The following CD1B variants were observed in gnomAD, a reference collection of about 807,000 sequenced individuals.
CD1B encodes the protein CD1b molecule.
In CD1B, 43 loss-of-function variants were observed where a neutral mutation model predicts 39.8. That is an observed-to-expected ratio of 1.08 (90% confidence interval 0.85 to 1.39). The LOEUF is 1.39. Among genes scored for constraint, CD1B ranks in the 40% most tolerant of loss-of-function variants. The pLI is 0.00. For synonymous variants in CD1B, 192 were observed against 152.5 expected (o/e 1.26, Z -1.91); for missense variants, 495 against 403.8 (o/e 1.23, Z -1.94).
At chr1:158,293,197 T>C in the CD1B span, 1 of 1,595,552 alleles carries the variant, frequency 6.3e-7, no homozygotes, top group Admixed American at 1.7e-5. Context: ...CCATGTATCT[T>C]TCCAATATGT....
At chr1:158,302,018 T>G in the CD1B span, among the ~76,000 whole-genome samples, 40 of 152,248 alleles carry the variant, frequency 2.6e-4, no homozygotes, top group East Asian at 7.5e-3. Flanking sequence ...AGACCGGAGC[T>G]CTTCCTATTC....
the CD1B span, among the ~76,000 whole-genome samples, chr1:158,321,420 T>C: frequency 6.6e-6 from 1 of 152,236 alleles, no homozygotes; most frequent in South Asian, 2.1e-4. Flanking sequence ...GTGAGGCTCT[T>C]ATAGGCAGCA....
the CD1B span, among the ~76,000 whole-genome samples, chr1:158,309,765 G>A: frequency 2.1e-4 from 31 of 151,094 alleles, no homozygotes; most frequent in Admixed American, 8.6e-4. Context: ...CTCACTCACC[G>A]GTGGGAATTG....
Position 158,328,846 on chromosome 1 carries a change from A to G in CD1B, c.980+75T>C. ...GAGGATAAACAATTTTTAAATAGAT[A>G]AAATGGTAAAAAACAGTGGAAGGGT... On this transcript the variant is annotated intron_variant, in intron 5 of 5. Coordinates refer to ENST00000368168, the MANE Select transcript of CD1B (RefSeq NM_001764.3). The G allele has an allele frequency of 4.8e-6, 5 of 1,046,452 alleles. No homozygotes were observed. In the South Asian group the frequency reaches 4.8e-5, roughly 10 times the overall value. 64.8% of individuals were successfully genotyped at this position (1,046,452 alleles called of 1,614,324 possible).
Position 158,330,011 on chromosome 1 carries a change from C to T in CD1B, c.448G>A (p.Val150Met). ...CTGCTGCCACCTTCTGGGGAAGGCACACATGAAGCATTCTTGACACTCAGG... is the reference window on the plus strand; with the variant it reads ...CTGCTGCCACCTTCTGGGGAAGGCATACATGAAGCATTCTTGACACTCAGG... ...DFLSVKNASC[V>M]PSPEGGSRAQ... The change falls in exon 3 of 6, where the codon GTG (valine) becomes ATG (methionine). Residue 150 changes from valine to methionine, a missense_variant. By Grantham distance (21) the Val-to-Met change is conservative (BLOSUM62 1). Transcript: ENST00000368168. 1 of 1,614,066 alleles carries T rather than the reference C, an allele frequency of 6.2e-7. No homozygotes were observed. Among genetic ancestry groups the T allele is most frequent in the Non-Finnish European group, 8.5e-7 (1 of 1,180,004 alleles).
Position 158,328,226 on chromosome 1 carries a change from T to C in CD1B, c.*10A>G. ...CTTATTGCGAATGGGAGAGGAGACA[T>C]GATGATGGCTCATGGGATATTCTGA... On this transcript the variant is annotated 3_prime_UTR_variant, in exon 6 of 6. Transcript: ENST00000368168. 1 of 1,609,896 alleles carries C rather than the reference T, an allele frequency of 6.2e-7. No homozygotes were observed. Among genetic ancestry groups the C allele is most frequent in the East Asian group, 2.2e-5 (1 of 44,810 alleles).
the CD1B span, among the ~76,000 whole-genome samples, chr1:158,297,973 C>T: frequency 6.7e-6 from 1 of 150,030 alleles, no homozygotes; most frequent in Non-Finnish European, 1.5e-5. Context: ...ATAAACAAGA[C>T]CCACCTGTAA....
At chr1:158,289,439 A>G in the CD1B span, among the ~76,000 whole-genome samples, 1,137 of 152,352 alleles carry the variant, frequency 7.5e-3, 10 homozygotes, top group African/African-American at 0.026. Context: ...TGTAGTTTAT[A>G]TAATTGTGCA....
At chr1:158,316,468 T>G in the CD1B span, among the ~76,000 whole-genome samples, 1 of 151,834 alleles carries the variant, frequency 6.6e-6, no homozygotes, top group Non-Finnish European at 1.5e-5. Flanking sequence ...TGTCTGTTGT[T>G]GGTGTATAAG....
chr1:158,328,804 G>C, intron 5 of CD1B, 117 bp downstream of exon 5: 1 of 712,900 alleles, frequency 1.4e-6, no homozygotes, highest in Non-Finnish European at 2.3e-6. Flanking sequence ...TTGGGGAAAG[G>C]ATATGGTGAA....
At chr1:158,310,132 T>A in the CD1B span, among the ~76,000 whole-genome samples, 1 of 152,096 alleles carries the variant, frequency 6.6e-6, no homozygotes, top group African/African-American at 2.4e-5. Flanking sequence ...CATAGATAAA[T>A]GAACAGGTTA....
downstream of CD1B, among the ~76,000 whole-genome samples, chr1:158,324,678 C>T (rs1291308506): frequency 6.6e-6 from 1 of 151,886 alleles, no homozygotes; most frequent in Admixed American, 6.6e-5. Context: ...TTAGGTTTTC[C>T]CCCTTAGAAG....
At chr1:158,307,715 A>G in the CD1B span, among the ~76,000 whole-genome samples, 14 of 152,350 alleles carry the variant, frequency 9.2e-5, no homozygotes, top group East Asian at 2.7e-3. Flanking sequence ...ATTCAGCAGC[A>G]TATCAAAAAC....
chr1:158,286,094 C>G, the CD1B span, among the ~76,000 whole-genome samples: 2 of 151,808 alleles, frequency 1.3e-5, no homozygotes, highest in Non-Finnish European at 2.9e-5. Flanking sequence ...AGAGCCCAGG[C>G]GAAGGCAAAC....
the CD1B span, among the ~76,000 whole-genome samples, chr1:158,305,422 G>A: frequency 6.6e-6 from 1 of 152,190 alleles, no homozygotes; most frequent in African/African-American, 2.4e-5. Context: ...CAAGAAATAT[G>A]GGACTATGTG....
the CD1B span, among the ~76,000 whole-genome samples, chr1:158,293,887 A>C: frequency 1.3e-5 from 2 of 152,216 alleles, no homozygotes; most frequent in Admixed American, 1.3e-4. Flanking sequence ...CACAAAACAA[A>C]ACATCATATC....
intron 4 of CD1B, 68 bp from the exon 5 acceptor site, chr1:158,329,082 T>A: frequency 5.4e-6 from 7 of 1,305,338 alleles, no homozygotes; most frequent in Non-Finnish European, 7.6e-6. Flanking sequence ...TGGCCTTCCT[T>A]TGCCCACCTA....
the CD1B span, among the ~76,000 whole-genome samples, chr1:158,315,679 A>G: frequency 6.6e-6 from 1 of 151,476 alleles, no homozygotes; most frequent in East Asian, 1.9e-4. Context: ...CCATTTGTCA[A>G]TTTTGGCTTT....
At chr1:158,295,924 C>A in the CD1B span, among the ~76,000 whole-genome samples, 15 of 152,296 alleles carry the variant, frequency 9.8e-5, no homozygotes, top group Admixed American at 9.8e-4. Flanking sequence ...CTTGCTACCA[C>A]TTCTGTGCAC....
Sources: allele counts gnomAD v4.1 joint callset (sites outside exome capture counted in the v4.1 genomes callset), GRCh38; gene constraint gnomAD v4.1.1; transcripts MANE v1.5; gene names NCBI Gene and HGNC (gene_info 2026-07-23, HGNC 2026-07-21).